The following CLIC5 variants were observed in gnomAD, a reference collection of about 807,000 sequenced individuals.
CLIC5 encodes the protein CLIC family member 5.
A neutral mutation model predicts 24.7 loss-of-function variants in CLIC5; 20 were observed. That is an observed-to-expected ratio of 0.81 (90% CI 0.57 to 1.18). The LOEUF (loss-of-function observed/expected upper bound fraction) is 1.18, where lower values mean the gene tolerates loss of function less well. CLIC5 is among the 50% of genes most tolerant of loss of function. The pLI is 0.00. For missense variants in CLIC5, 341 were observed against 326.1 expected, an observed-to-expected ratio of 1.05 and a Z score of -0.35; for synonymous variants, 159 against 135.6, an observed-to-expected ratio of 1.17 and a Z score of -1.20.
At chr6:45,954,117 T>C (rs1282582526) in intron 2 of CLIC5, among the ~76,000 whole-genome samples, 3 of 151,468 alleles carry the variant, frequency 2.0e-5, no homozygotes, top group Admixed American at 2.0e-4. Context: ...CTACTAAAAA[T>C]ACAAAAATTA....
At chr6:46,016,409 G>T (rs1767010141), upstream of CLIC5, among the ~76,000 whole-genome samples, 1 of 152,082 alleles carries the variant, frequency 6.6e-6, no homozygotes. Flanking sequence ...AGAGTAGGGT[G>T]CTGGGGACGG....
intron 6 of CLIC5, among the ~76,000 whole-genome samples, chr6:45,882,781 C>T (rs1762274509): frequency 6.6e-6 from 1 of 152,180 alleles, no homozygotes; most frequent in South Asian, 2.1e-4. Flanking sequence ...GATGTGATTA[C>T]TTTCCAAAAT....
rs79613670 is a variant in CLIC5 at position 45,912,656 on chromosome 6, G to A, written c.588+1572C>T. 2.4e-3 allele frequency: 3,741 copies of A among 1,531,106 alleles called. 80 individuals are homozygous for A. In the African/African-American group the frequency reaches 0.043, roughly 18 times the overall value. The allele number at this position is 1,531,106 out of a possible 1,614,324, so 94.8% of individuals were successfully genotyped here. ...GGCAGCAAATACAGGACCGGAACTCGGGTCTCCTGATCTTTGCATTGTATC... is the reference window on the plus strand; with the variant it reads ...GGCAGCAAATACAGGACCGGAACTCAGGTCTCCTGATCTTTGCATTGTATC... On this transcript the variant is annotated intron_variant, in intron 5 of 5. Coordinates refer to ENST00000339561, the MANE Select transcript of CLIC5 (RefSeq NM_016929.5).
chr6:45,977,635 C>T (rs1397233216), intron 1 of CLIC5, among the ~76,000 whole-genome samples: 2 of 152,090 alleles, frequency 1.3e-5, no homozygotes, highest in Non-Finnish European at 2.9e-5. Context: ...AGACCTCTTC[C>T]CCTGCCTCCC....
At chr6:45,950,645 C>A (rs914646420) in intron 2 of CLIC5, among the ~76,000 whole-genome samples, 1 of 152,132 alleles carries the variant, frequency 6.6e-6, no homozygotes, top group Non-Finnish European at 1.5e-5. Context: ...AAGTAGAAAT[C>A]AAATGTTGGT....
upstream of CLIC5, among the ~76,000 whole-genome samples, chr6:46,019,993 T>C (rs1366308749): frequency 6.6e-6 from 1 of 152,048 alleles, no homozygotes; most frequent in East Asian, 1.9e-4. Context: ...AGTTCTCCTC[T>C]TTTGGTAATT....
chr6:45,885,736 G>A (rs72870073), intron 6 of CLIC5, among the ~76,000 whole-genome samples: 3,479 of 152,300 alleles, frequency 0.023, 68 homozygotes, highest in Non-Finnish European at 0.036. Flanking sequence ...TCTCATTCTG[G>A]AGCTCCCAAA....
intron 1 of CLIC5, among the ~76,000 whole-genome samples, chr6:46,055,392 C>G (rs993802022): frequency 6.6e-6 from 1 of 152,132 alleles, no homozygotes; most frequent in African/African-American, 2.4e-5. Context: ...CGTGAACCAC[C>G]AAGCCCGGCT....
chr6:45,923,578 A>T (rs182310673), intron 4 of CLIC5, among the ~76,000 whole-genome samples: 2 of 152,230 alleles, frequency 1.3e-5, no homozygotes, highest in African/African-American at 4.8e-5. Flanking sequence ...TTAAACAGGC[A>T]TCTATTCGGT....
chr6:46,092,985 T>G, the CLIC5 span, among the ~76,000 whole-genome samples: 1 of 152,172 alleles, frequency 6.6e-6, no homozygotes, highest in Non-Finnish European at 1.5e-5. Context: ...AAAACTTATC[T>G]TTGTCTCTTA....
At chr6:46,074,358 G>A (rs1249399489) in intron 1 of CLIC5, among the ~76,000 whole-genome samples, 1 of 152,058 alleles carries the variant, frequency 6.6e-6, no homozygotes, top group Non-Finnish European at 1.5e-5. Flanking sequence ...ACCACATCAG[G>A]CACCTCTGCT....
At chr6:45,986,302 T>A (rs1042450682) in intron 1 of CLIC5, among the ~76,000 whole-genome samples, 1 of 152,172 alleles carries the variant, frequency 6.6e-6, no homozygotes, top group African/African-American at 2.4e-5. Flanking sequence ...GTGGTCAGAA[T>A]CCTTGGTACC....
intron 4 of CLIC5, among the ~76,000 whole-genome samples, chr6:45,931,161 G>A (rs1193100039): frequency 1.3e-5 from 2 of 152,150 alleles, no homozygotes; most frequent in African/African-American, 4.8e-5. Context: ...TATTATCTGT[G>A]GCTGCTTTAT....
At chr6:45,917,939 GATGGGGGT>G (rs1763096472) in intron 4 of CLIC5, among the ~76,000 whole-genome samples, 1 of 152,234 alleles carries the variant, frequency 6.6e-6, no homozygotes, top group Non-Finnish European at 1.5e-5. Flanking sequence ...TGAGTAGTTA[GATGGGGGT>G]ATCCCTCCAA....
At position 45,903,104 on chromosome 6, in the gene CLIC5, C is replaced by A. The variant is rs533995355; in HGVS notation, c.740G>T (p.Arg247Leu). The change falls in exon 6 of 6, where the codon CGC becomes CTC. Residue 247 changes from arginine (R) to leucine (L), a missense_variant. Arg to Leu is a moderately radical substitution (Grantham distance 102). Coordinates refer to ENST00000339561, the MANE Select transcript of CLIC5 (RefSeq NM_016929.5). The part of the protein sequence containing the change: ...IELAYADVAK[R>L]LSRS Reference sequence around the variant, plus strand: ...TGGCTGTGCTCAGGATCGGCTGAGGCGTTTGGCGACATCAGCGTAGGCCAA... The same window carrying A: ...TGGCTGTGCTCAGGATCGGCTGAGGAGTTTGGCGACATCAGCGTAGGCCAA... 9 of 1,614,086 alleles carry A rather than the reference C, an allele frequency of 5.6e-6. No homozygotes were observed. The East Asian group carries it at 1.6e-4, about 28-fold the overall frequency.
intron 1 of CLIC5, among the ~76,000 whole-genome samples, chr6:45,972,022 C>T (rs960147637): frequency 2.0e-5 from 3 of 152,122 alleles, no homozygotes; most frequent in Non-Finnish European, 2.9e-5. Context: ...CACATTTACT[C>T]TAGTTGTTCA....
intron 4 of CLIC5, among the ~76,000 whole-genome samples, chr6:45,914,718 C>T (rs913726980): frequency 4.6e-5 from 7 of 151,668 alleles, no homozygotes; most frequent in Non-Finnish European, 7.4e-5. Context: ...TTTGGGAGGC[C>T]GAGGCGGGCA....
At chr6:46,064,286 G>A (rs958007700) in intron 1 of CLIC5, among the ~76,000 whole-genome samples, 1 of 152,024 alleles carries the variant, frequency 6.6e-6, no homozygotes, top group Admixed American at 6.6e-5. Context: ...CACTGAATTT[G>A]CAAGGGGAAA....
intron 1 of CLIC5, among the ~76,000 whole-genome samples, chr6:46,063,976 G>A (rs1373395913): frequency 3.9e-5 from 6 of 152,162 alleles, no homozygotes; most frequent in Non-Finnish European, 5.9e-5. Context: ...AATTCAGTAT[G>A]TCTGGCAGCC....
Sources: gnomAD v4.1 joint callset for allele counts (sites outside exome capture counted in the v4.1 genomes callset) on GRCh38, gnomAD v4.1.1 for gene constraint, MANE v1.5 for transcripts, NCBI Gene and HGNC (gene_info 2026-07-23, HGNC 2026-07-21) for gene names.